COG5: variants seen among roughly 807,000 people sequenced by gnomAD.
COG5 encodes the protein component of oligomeric golgi complex 5.
COG5 carries 86 observed loss-of-function variants against 110.4 expected under a neutral mutation model. That is an observed-to-expected ratio of 0.78 (90% CI 0.65 to 0.93). The LOEUF is 0.93. COG5 is among the 40% of genes least tolerant of loss of function. The pLI, the probability that COG5 is intolerant of heterozygous loss-of-function variation, is 0.00. For synonymous variants in COG5, 360 were observed against 334.6 expected (o/e 1.08, Z -0.83); for missense variants, 1,077 against 987.0 (o/e 1.09, Z -1.22).
chr7:107,228,381 A>C (rs886672954), intron 19 of COG5, among the ~76,000 whole-genome samples: 5 of 151,776 alleles, frequency 3.3e-5, no homozygotes, highest in African/African-American at 1.2e-4. Context: ...CTTTTTCAAT[A>C]ACTAGATGGT....
chr7:107,381,869 T>C (rs1815150823), intron 7 of COG5, among the ~76,000 whole-genome samples: 1 of 152,198 alleles, frequency 6.6e-6, no homozygotes, highest in East Asian at 1.9e-4. Context: ...ATTAATTGGG[T>C]AAGGTATACC....
chr7:107,215,683 A>G (rs1248414384), intron 19 of COG5, among the ~76,000 whole-genome samples: 1 of 151,552 alleles, frequency 6.6e-6, no homozygotes, highest in Non-Finnish European at 1.5e-5. Flanking sequence ...AAACAAACAA[A>G]CAAACCCAGC....
intron 14 of COG5, among the ~76,000 whole-genome samples, chr7:107,275,435 T>C (rs1289033510): frequency 1.3e-5 from 2 of 152,092 alleles, no homozygotes; most frequent in Admixed American, 1.3e-4. Context: ...TTCCAAGTGA[T>C]TTCATATTGC....
intron 6 of COG5, among the ~76,000 whole-genome samples, chr7:107,526,031 G>C (rs762834442): frequency 2.0e-5 from 3 of 152,088 alleles, no homozygotes; most frequent in South Asian, 4.1e-4. Context: ...GGATTTCCTT[G>C]ATTAACAAAA....
chr7:107,278,113 T>C (rs531833193), intron 14 of COG5, among the ~76,000 whole-genome samples: 64 of 152,136 alleles, frequency 4.2e-4, no homozygotes, highest in Non-Finnish European at 8.1e-4. Flanking sequence ...TGAAAAGCTG[T>C]TCGATGTACA....
chr7:107,503,277 T>C (rs773454387), intron 6 of COG5, among the ~76,000 whole-genome samples: 1 of 152,188 alleles, frequency 6.6e-6, no homozygotes, highest in Admixed American at 6.5e-5. Context: ...ATTTATGTTT[T>C]TGATGCTTTG....
At chr7:107,233,794 T>C (rs1168373692) in intron 18 of COG5, among the ~76,000 whole-genome samples, 2 of 152,186 alleles carry the variant, frequency 1.3e-5, no homozygotes, top group African/African-American at 4.8e-5. Flanking sequence ...TTGATGCCTG[T>C]CATGAATATA....
At chr7:107,205,364 T>TACTGC (rs1249249615) in intron 21 of COG5, among the ~76,000 whole-genome samples, 1 of 152,214 alleles carries the variant, frequency 6.6e-6, no homozygotes, top group African/African-American at 2.4e-5. Context: ...CTTTCTGTGC[T>TACTGC]ACTGCTGGGT....
intron 5 of COG5, among the ~76,000 whole-genome samples, chr7:107,542,901 G>A (rs1459237578): frequency 6.6e-6 from 1 of 151,516 alleles, no homozygotes; most frequent in Non-Finnish European, 1.5e-5. Context: ...GAACCTGGGA[G>A]GCGGAGGCTG....
intron 10 of COG5, among the ~76,000 whole-genome samples, chr7:107,358,540 T>C (rs1339550970): frequency 3.3e-5 from 5 of 152,174 alleles, no homozygotes; most frequent in Admixed American, 1.3e-4. Context: ...TGAGTAGCTA[T>C]TGTCAGGAAA....
At chr7:107,228,577 T>C (rs1314047098) in intron 19 of COG5, among the ~76,000 whole-genome samples, 1 of 152,118 alleles carries the variant, frequency 6.6e-6, no homozygotes, top group Non-Finnish European at 1.5e-5. Flanking sequence ...ATCCTTCAAC[T>C]CGCCCATGTT....
At chr7:107,424,331 G>A (rs954974905) in intron 6 of COG5, among the ~76,000 whole-genome samples, 1 of 151,932 alleles carries the variant, frequency 6.6e-6, no homozygotes, top group African/African-American at 2.4e-5. Context: ...GCCTGGAGGG[G>A]TTTTCAGAGA....
At chr7:107,334,144 G>A (rs1237311224) in intron 10 of COG5, among the ~76,000 whole-genome samples, 1 of 152,044 alleles carries the variant, frequency 6.6e-6, no homozygotes, top group Non-Finnish European at 1.5e-5. Flanking sequence ...TCAAGCTACG[G>A]AATCAACCTA....
chr7:107,492,805 T>C (rs1798051810), intron 6 of COG5, among the ~76,000 whole-genome samples: 1 of 152,152 alleles, frequency 6.6e-6, no homozygotes, highest in Non-Finnish European at 1.5e-5. Context: ...CAAGACCCTT[T>C]TGCAATGTAA....
chr7:107,503,187 G>C (rs1287481203), intron 6 of COG5, among the ~76,000 whole-genome samples: 1 of 151,872 alleles, frequency 6.6e-6, no homozygotes, highest in Non-Finnish European at 1.5e-5. Flanking sequence ...TATAAAGTGA[G>C]AGGGATACAG....
chr7:107,496,073 T>C (rs1798255189), intron 6 of COG5, among the ~76,000 whole-genome samples: 1 of 151,950 alleles, frequency 6.6e-6, no homozygotes, highest in African/African-American at 2.4e-5. Context: ...CATGCCACCA[T>C]ACCCAGTTGG....
intron 7 of COG5, among the ~76,000 whole-genome samples, chr7:107,373,581 A>C (rs1814376539): frequency 6.6e-6 from 1 of 152,160 alleles, no homozygotes; most frequent in Admixed American, 6.5e-5. Flanking sequence ...TATGCTAGGG[A>C]AAGAGCAAGA....
chr7:107,370,156 G>C (rs138384083), intron 8 of COG5, among the ~76,000 whole-genome samples: 17 of 152,038 alleles, frequency 1.1e-4, no homozygotes, highest in African/African-American at 3.6e-4. Flanking sequence ...TTGAAAATGA[G>C]ATCATGCACC....
At chr7:107,262,754 A>G (rs1250209496) in intron 14 of COG5, among the ~76,000 whole-genome samples, 1 of 152,010 alleles carries the variant, frequency 6.6e-6, no homozygotes, top group Non-Finnish European at 1.5e-5. Context: ...ACTTTGCTGT[A>G]TATTTCCCTG....
Sources: gnomAD v4.1 joint callset for allele counts (sites outside exome capture counted in the v4.1 genomes callset) on GRCh38, gnomAD v4.1.1 for gene constraint, MANE v1.5 for transcripts, NCBI Gene and HGNC (gene_info 2026-07-23, HGNC 2026-07-21) for gene names.